The following ZNF257 variants were observed in gnomAD, a reference collection of about 807,000 sequenced individuals.
The protein encoded by ZNF257 is bone marrow zinc finger 4.
Under a neutral mutation model 11.9 loss-of-function variants are expected in ZNF257, and 12 were observed. That is an observed-to-expected ratio of 1.01 (90% confidence interval 0.65 to 1.63). The LOEUF is 1.63. Ranked by LOEUF, ZNF257 falls within the 40% of genes most tolerant of loss-of-function variation. ZNF257 has a pLI of 0.00. For synonymous variants in ZNF257, 183 were observed against 222.7 expected, an observed-to-expected ratio of 0.82 and a Z score of 1.59; for missense variants, 580 against 665.5, an observed-to-expected ratio of 0.87 and a Z score of 1.41.
intron 3 of ZNF257, chr19:22,074,383 C>G (rs2075389643): frequency 6.6e-6 from 1 of 151,954 alleles, no homozygotes; most frequent in Non-Finnish European, 1.5e-5. Flanking sequence ...TGGAGGTTCA[C>G]TCTTCTTGCC....
chr19:22,084,227 G>A (rs187325099), intron 3 of ZNF257, among the ~76,000 whole-genome samples: 1 of 151,844 alleles, frequency 6.6e-6, no homozygotes, highest in East Asian at 1.9e-4. Context: ...ACAGAAATTA[G>A]CATTGTTTTT....
chr19:22,075,786 G>C (rs575453722), intron 3 of ZNF257: 2 of 152,342 alleles, frequency 1.3e-5, no homozygotes, highest in South Asian at 4.1e-4. Flanking sequence ...AACCCAGGCT[G>C]GTCTTGAAAT....
chr19:22,067,250 C>A (rs1312125619), intron 1 of ZNF257, among the ~76,000 whole-genome samples: 4 of 152,156 alleles, frequency 2.6e-5, no homozygotes, highest in Admixed American at 2.6e-4. Flanking sequence ...TTCGTTGACT[C>A]TTGTATCTTC....
chr19:22,061,199 T>C (rs557501839), intron 1 of ZNF257, among the ~76,000 whole-genome samples: 2 of 152,338 alleles, frequency 1.3e-5, no homozygotes, highest in African/African-American at 4.8e-5. Flanking sequence ...ATTAGATCTG[T>C]AGATTTCTTT....
At chr19:22,082,927 C>T (rs1049367917) in intron 3 of ZNF257, among the ~76,000 whole-genome samples, 1 of 152,074 alleles carries the variant, frequency 6.6e-6, no homozygotes, top group African/African-American at 2.4e-5. Context: ...ATCAGCCATA[C>T]AGCTAGTGCC....
intron 3 of ZNF257, among the ~76,000 whole-genome samples, chr19:22,082,523 A>G (rs796793949): frequency 1.3e-5 from 2 of 152,072 alleles, no homozygotes; most frequent in South Asian, 4.1e-4. Flanking sequence ...GAACACTCTC[A>G]CCTTTTATTT....
chr19:22,073,260 C>T (rs977514877), intron 2 of ZNF257, among the ~76,000 whole-genome samples: 1 of 151,934 alleles, frequency 6.6e-6, no homozygotes, highest in East Asian at 1.9e-4. Flanking sequence ...ATTGCTACCA[C>T]CAATTTTTTT....
chr19:22,056,363 A>T (rs989763767), intron 1 of ZNF257, among the ~76,000 whole-genome samples: 6 of 150,544 alleles, frequency 4.0e-5, no homozygotes, highest in African/African-American at 1.5e-4. Context: ...CTGGTCTGGA[A>T]CTCCTGACCT....
chr19:22,080,430 C>T (rs2022331520), intron 3 of ZNF257, among the ~76,000 whole-genome samples: 1 of 152,092 alleles, frequency 6.6e-6, no homozygotes, highest in Non-Finnish European at 1.5e-5. Context: ...AAGAACCTGG[C>T]TCCTTCACCT....
chr19:22,077,470 G>A (rs1219565066), intron 3 of ZNF257, among the ~76,000 whole-genome samples: 1 of 151,860 alleles, frequency 6.6e-6, no homozygotes. Flanking sequence ...AACAAACACC[G>A]TTTCTCTTTG....
chr19:22,089,520 T>C lies in ZNF257; in HGVS notation c.*78T>C. 6.6e-7 allele frequency: 1 copy of C among 1,505,182 alleles called. No homozygotes were observed. The highest frequency in any genetic ancestry group is 8.9e-7 in the Non-Finnish European group (1 of 1,129,418). 93.2% of individuals were successfully genotyped at this position (1,505,182 alleles called of 1,614,324 possible). A position where few individuals can be genotyped will look rare whatever the true frequency, so the allele number is the denominator to read the frequency against. Reference sequence around the variant, plus strand: ...TCAATCCTTACTAAACATAAGGGAATTCATAATAGAGAAACCCTACAAATG... The same window carrying C: ...TCAATCCTTACTAAACATAAGGGAACTCATAATAGAGAAACCCTACAAATG... On this transcript the variant is annotated 3_prime_UTR_variant, in exon 4 of 4. Coordinates refer to ENST00000594947, the MANE Select transcript of ZNF257 (RefSeq NM_033468.4).
At chr19:22,073,381 TA>T in intron 2 of ZNF257, 87 bp from the exon 3 acceptor site, 1 of 1,365,490 alleles carries the variant, frequency 7.3e-7, no homozygotes, top group Non-Finnish European at 9.9e-7. Flanking sequence ...ATTAGAATAT[TA>T]TATTACATTC....
intron 1 of ZNF257, 139 bp downstream of exon 1, chr19:22,052,774 T>G (rs1167333407): frequency 1.2e-5 from 12 of 1,036,026 alleles, no homozygotes; most frequent in Admixed American, 7.9e-5. Context: ...CAGCTCGGCC[T>G]CGGTCCCCCT....
At chr19:22,087,604 C>G in intron 3 of ZNF257, 1 of 1,225,832 alleles carries the variant, frequency 8.2e-7, no homozygotes, top group Non-Finnish European at 1.0e-6. Flanking sequence ...ATGTATGTGC[C>G]AATATTTTTC....
intron 1 of ZNF257, among the ~76,000 whole-genome samples, chr19:22,072,080 C>T (rs2022116486): frequency 1.3e-5 from 2 of 152,136 alleles, no homozygotes; most frequent in South Asian, 2.1e-4. Context: ...ATTCGGACTA[C>T]GATTTACTTC....
At chr19:22,085,726 GTATA>G (rs2022462860) in intron 3 of ZNF257, among the ~76,000 whole-genome samples, 1 of 150,888 alleles carries the variant, frequency 6.6e-6, no homozygotes, top group African/African-American at 2.4e-5. Flanking sequence ...GCAAACATGA[GTATA>G]TACAAATTTT....
chr19:22,059,823 A>C (rs897518219), intron 1 of ZNF257, among the ~76,000 whole-genome samples: 1 of 151,876 alleles, frequency 6.6e-6, no homozygotes, highest in South Asian at 2.1e-4. Flanking sequence ...CCTGAGCTTA[A>C]GCAATCCTCC....
intron 3 of ZNF257, among the ~76,000 whole-genome samples, chr19:22,084,732 T>C (rs1466561139): frequency 7.3e-6 from 1 of 137,712 alleles, no homozygotes; most frequent in African/African-American, 2.8e-5. Context: ...TATAAAATTT[T>C]AGGGTTTTTT....
intron 3 of ZNF257, 53 bp from the exon 4 acceptor site, chr19:22,087,924 A>C: frequency 7.0e-7 from 1 of 1,429,770 alleles, no homozygotes; most frequent in Admixed American, 2.4e-5. Context: ...TTTGTAAAAA[A>C]TATTTACCTG....
Sources: gnomAD v4.1 joint callset for allele counts (sites outside exome capture counted in the v4.1 genomes callset) on GRCh38, gnomAD v4.1.1 for gene constraint, MANE v1.5 for transcripts, NCBI Gene and HGNC (gene_info 2026-07-23, HGNC 2026-07-21) for gene names.